The following NKAIN2 variants were observed in gnomAD, a reference collection of about 807,000 sequenced individuals.
The protein encoded by NKAIN2 is sodium/potassium-transporting ATPase subunit beta-1-interacting protein 2.
In NKAIN2, 14 loss-of-function variants were observed where a neutral mutation model predicts 32.6. The ratio of observed to expected loss-of-function variants is 0.43; its 90% CI spans 0.28 to 0.67. The LOEUF (loss-of-function observed/expected upper bound fraction) is 0.67. Among genes scored for constraint, NKAIN2 ranks in the 30% least tolerant of loss-of-function variants. The pLI, the probability that NKAIN2 is intolerant of heterozygous loss-of-function variation, is 0.17. For synonymous variants in NKAIN2, 80 were observed against 87.2 expected, an observed-to-expected ratio of 0.92 and a Z score of 0.46; for missense variants, 198 against 258.3, an observed-to-expected ratio of 0.77 and a Z score of 1.60.
At chr6:124,231,354 C>T (rs536390104) in intron 1 of NKAIN2, among the ~76,000 whole-genome samples, 2 of 152,226 alleles carry the variant, frequency 1.3e-5, no homozygotes, top group South Asian at 2.1e-4. Flanking sequence ...TTTAGACTGT[C>T]AACTTTTGAG....
At chr6:124,680,555 A>AT (rs1773569753) in intron 4 of NKAIN2, among the ~76,000 whole-genome samples, 1 of 152,146 alleles carries the variant, frequency 6.6e-6, no homozygotes, top group Admixed American at 6.5e-5. Flanking sequence ...CTTAGATTTT[A>AT]TGTCTTAGTG....
intron 3 of NKAIN2, among the ~76,000 whole-genome samples, chr6:124,505,540 A>G (rs1261707867): frequency 6.6e-6 from 1 of 152,224 alleles, no homozygotes; most frequent in Non-Finnish European, 1.5e-5. Context: ...ATGCTGAGAC[A>G]GCTCTTTAAT....
At chr6:124,630,713 A>G (rs1783531380) in intron 3 of NKAIN2, among the ~76,000 whole-genome samples, 1 of 152,160 alleles carries the variant, frequency 6.6e-6, no homozygotes, top group Non-Finnish European at 1.5e-5. Flanking sequence ...TAGTGATTTT[A>G]GACAGGCTCA....
intron 4 of NKAIN2, among the ~76,000 whole-genome samples, chr6:124,699,352 A>C (rs530531059): frequency 6.6e-6 from 1 of 151,742 alleles, no homozygotes. Context: ...TTGGAGGGGG[A>C]CGGCAACCCA....
chr6:123,844,980 A>G (rs1775030823), intron 1 of NKAIN2, among the ~76,000 whole-genome samples: 1 of 152,232 alleles, frequency 6.6e-6, no homozygotes, highest in Admixed American at 6.5e-5. Context: ...GAACAAAAGA[A>G]TTTAACATTA....
chr6:124,227,185 C>G (rs574553314), intron 1 of NKAIN2, among the ~76,000 whole-genome samples: 1 of 151,646 alleles, frequency 6.6e-6, no homozygotes, highest in South Asian at 2.1e-4. Flanking sequence ...GGGACTTGAT[C>G]ACACATTTCT....
intron 3 of NKAIN2, among the ~76,000 whole-genome samples, chr6:124,357,783 T>C (rs1295746379): frequency 6.6e-6 from 1 of 151,442 alleles, no homozygotes; most frequent in African/African-American, 2.4e-5. Context: ...TTTTCTTTTT[T>C]TTATTATTAT....
intron 3 of NKAIN2, among the ~76,000 whole-genome samples, chr6:124,408,999 G>C (rs1397737463): frequency 6.6e-6 from 1 of 152,212 alleles, no homozygotes; most frequent in African/African-American, 2.4e-5. Flanking sequence ...CTGTTTGTCT[G>C]TTATTGGTGT....
At position 124,728,088 on chromosome 6, in the gene NKAIN2, G is replaced by C. The variant is rs1488677769; in HGVS notation, c.475-63251G>C. Among the ~76,000 whole-genome samples, 252 of 150,112 alleles carry C rather than the reference G, an allele frequency of 1.7e-3. 1 individual carries two copies. Among genetic ancestry groups the C allele is most frequent in the Middle Eastern group, 6.8e-3 (2 of 294 alleles). On this transcript the variant is annotated intron_variant, in intron 4 of 6. Transcript: ENST00000368417. ...CCTGAGTGACCTACAAAGAGACTTAGACTCCCACACATTAATAATGGGAGA... is the reference window on the plus strand; with the variant it reads ...CCTGAGTGACCTACAAAGAGACTTACACTCCCACACATTAATAATGGGAGA...
At chr6:124,028,764 TAA>T (rs539662780) in intron 1 of NKAIN2, among the ~76,000 whole-genome samples, 27 of 145,372 alleles carry the variant, frequency 1.9e-4, no homozygotes, top group African/African-American at 6.9e-4. Flanking sequence ...TACAAGTATA[TAA>T]GTGTATATAC....
At chr6:124,653,564 A>G (rs537736748) in intron 3 of NKAIN2, among the ~76,000 whole-genome samples, 2 of 152,180 alleles carry the variant, frequency 1.3e-5, no homozygotes, top group African/African-American at 4.8e-5. Context: ...CTAGAAAATG[A>G]CACAGGAGAA....
At chr6:124,658,856 C>T in intron 4 of NKAIN2, 1 of 178,412 alleles carries the variant, frequency 5.6e-6, no homozygotes, top group Non-Finnish European at 1.2e-5. Flanking sequence ...AGGCACCATC[C>T]ATCACCTTTA....
chr6:124,246,976 A>AT (rs1233436592), intron 1 of NKAIN2, among the ~76,000 whole-genome samples: 1 of 151,896 alleles, frequency 6.6e-6, no homozygotes, highest in Non-Finnish European at 1.5e-5. Flanking sequence ...GGAGCAATCC[A>AT]TTTTTTTGCC....
intron 4 of NKAIN2, among the ~76,000 whole-genome samples, chr6:124,693,301 C>T (rs1406581945): frequency 1.3e-5 from 2 of 152,138 alleles, no homozygotes; most frequent in African/African-American, 4.8e-5. Context: ...AGTACAGTAA[C>T]ATTTTGCACA....
At chr6:124,811,226 GTTA>G (rs546288683) in intron 5 of NKAIN2, among the ~76,000 whole-genome samples, 25 of 152,176 alleles carry the variant, frequency 1.6e-4, no homozygotes, top group Admixed American at 1.2e-3. Flanking sequence ...CTTTCAGTGA[GTTA>G]TTCTAAATAT....
chr6:124,264,422 G>A (rs757961055), intron 1 of NKAIN2, among the ~76,000 whole-genome samples: 3 of 151,976 alleles, frequency 2.0e-5, no homozygotes, highest in Admixed American at 6.6e-5. Flanking sequence ...ACTTTGAAAG[G>A]TTATTTTTTT....
Position 124,369,880 on chromosome 6 carries a change from A to ATTTTTTTTTTTTTTTT in NKAIN2, c.273+14536_273+14551dup, listed in dbSNP as rs61588781. Among the ~76,000 whole-genome samples, 355 of 82,350 alleles carry ATTTTTTTTTTTTTTTT rather than the reference A, an allele frequency of 4.3e-3. 41 individuals are homozygous for ATTTTTTTTTTTTTTTT. The highest frequency in any genetic ancestry group is 0.012 in the African/African-American group (214 of 17,516). 54.0% of individuals were successfully genotyped at this position (82,350 alleles called of 152,430 possible). Reference sequence around the variant, plus strand: ...ATTTGCTTTAGAGGGCAGAATGTCAATTTTTTTTTTTTTTTTTTAACCTGT... The same window carrying ATTTTTTTTTTTTTTTT: ...ATTTGCTTTAGAGGGCAGAATGTCAATTTTTTTTTTTTTTTTTTTTTTTTTTTTTTTTTTAACCTGT... On this transcript the variant is annotated intron_variant, in intron 3 of 6. Coordinates refer to ENST00000368417, the MANE Select transcript of NKAIN2 (RefSeq NM_001040214.3).
intron 3 of NKAIN2, among the ~76,000 whole-genome samples, chr6:124,634,040 A>C (rs1186742265): frequency 6.6e-6 from 1 of 151,602 alleles, no homozygotes; most frequent in Non-Finnish European, 1.5e-5. Context: ...CTGTGCCCAC[A>C]CAGAACAAAA....
At chr6:124,361,693 A>G (rs1799294652) in intron 3 of NKAIN2, among the ~76,000 whole-genome samples, 1 of 152,104 alleles carries the variant, frequency 6.6e-6, no homozygotes, top group Non-Finnish European at 1.5e-5. Context: ...TATATAAAAA[A>G]GTCATGTAAC....
Sources: allele counts gnomAD v4.1 joint callset (sites outside exome capture counted in the v4.1 genomes callset), GRCh38; gene constraint gnomAD v4.1.1; transcripts MANE v1.5; gene names NCBI Gene and HGNC (gene_info 2026-07-23, HGNC 2026-07-21).